SLC44A3: variants seen among roughly 807,000 people sequenced by gnomAD.
SLC44A3 encodes the protein solute carrier family 44 member 3, also known as choline transporter-like protein 3.
Under a neutral mutation model 75.4 loss-of-function variants are expected in SLC44A3, and 74 were observed. The observed-to-expected ratio is 0.98, with a 90% CI of 0.81 to 1.19. The LOEUF (loss-of-function observed/expected upper bound fraction) is 1.19, where lower values mean the gene tolerates loss of function less well. SLC44A3 is among the 50% of genes most tolerant of loss of function. The pLI is 0.00. For synonymous variants in SLC44A3, 310 were observed against 296.9 expected (o/e 1.04, Z -0.45); for missense variants, 700 against 778.6 (o/e 0.90, Z 1.20).
chr1:94,876,644 A>G (rs557571483), intron 12 of SLC44A3, among the ~76,000 whole-genome samples: 16 of 152,330 alleles, frequency 1.1e-4, no homozygotes, highest in Non-Finnish European at 2.2e-4. Flanking sequence ...ATGTCCTGCT[A>G]CAAGCAGGAC....
chr1:94,835,766 C>T (rs1356272059), intron 5 of SLC44A3, among the ~76,000 whole-genome samples: 1 of 152,114 alleles, frequency 6.6e-6, no homozygotes, highest in East Asian at 1.9e-4. Context: ...TTTAAACTTC[C>T]TATGATATTT....
At chr1:94,891,401 C>T (rs1395861118) in intron 13 of SLC44A3, 134 bp downstream of exon 13, 1 of 956,230 alleles carries the variant, frequency 1.0e-6, no homozygotes, top group Non-Finnish European at 1.5e-6. Flanking sequence ...CTCATTTAAT[C>T]CTCAATCCCA....
rs1424739954 is a variant in SLC44A3 at position 94,822,359 on chromosome 1, A to C, written c.135+1303A>C. On this transcript the variant is annotated intron_variant, in intron 2 of 14. Transcript: ENST00000271227. ...TTTGCAAAATAAGTCTGAAGTTTTA[A>C]TATATCCAAGTTCTCACTATGGCAT... is the stretch of plus-strand genomic sequence containing the variant. 2.6e-5 allele frequency among the ~76,000 whole-genome samples: 4 copies of C among 152,360 alleles called. No homozygotes were observed. In the East Asian group the frequency reaches 7.7e-4, roughly 29 times the overall value.
At position 94,858,241 on chromosome 1, in the gene SLC44A3, G is replaced by C. The variant is rs116603153; in HGVS notation, c.1238+741G>C. On this transcript the variant is annotated intron_variant, in intron 10 of 14. Transcript: ENST00000271227. Reference sequence around the variant, plus strand: ...CAGTAAATTCTGTGAGCCTCAGTTTGTCCTCTGCAAAATCAGATAACATTT... The same window carrying C: ...CAGTAAATTCTGTGAGCCTCAGTTTCTCCTCTGCAAAATCAGATAACATTT... Among the ~76,000 whole-genome samples, 1,144 of 152,256 alleles carry C rather than the reference G, an allele frequency of 7.5e-3. 9 individuals are homozygous for C. The highest frequency in any genetic ancestry group is 0.011 in the Non-Finnish European group (740 of 68,014).
At chr1:94,821,086 C>G (rs1660508660) in intron 2 of SLC44A3, 30 bp downstream of exon 2, 2 of 1,520,570 alleles carry the variant, frequency 1.3e-6, no homozygotes, top group Non-Finnish European at 1.8e-6. Context: ...AGGAAAGAGG[C>G]CAGAGTGTGT....
At chr1:94,829,144 G>A (rs1391712658) in intron 5 of SLC44A3, among the ~76,000 whole-genome samples, 3 of 152,038 alleles carry the variant, frequency 2.0e-5, no homozygotes, top group African/African-American at 4.8e-5. Context: ...TTAGCCGGGT[G>A]TGGTGGTGCA....
Position 94,845,294 on chromosome 1 carries a change from T to A in SLC44A3, c.902T>A (p.Leu301Ter), listed in dbSNP as rs1385060807. The change falls in exon 9 of 15, where the codon TTG becomes TAG. Residue 301 changes from leucine (L) to a stop codon, truncating the protein, a stop_gained. Transcript: ENST00000271227. LOFTEE classifies it high-confidence loss of function. ...TCTCACCAGGCAGTGCTGCTCGTCT[T>A]GATTTTTGTTCTCAGAAAGAGAATA... ...STGITAVLLV[L>*]IFVLRKRIKL... 1 of 1,610,948 alleles carries A rather than the reference T, an allele frequency of 6.2e-7. No homozygotes were observed. Among genetic ancestry groups the A allele is most frequent in the South Asian group, 1.1e-5 (1 of 90,524 alleles).
rs1428533228 is a variant in SLC44A3, at chr1:94,845,361, C to T, written c.969C>T (p.Ile323=). The part of the protein sequence containing the change: ...VELFQITNKA[I]SSAPFLLFQP... ...TTTTCCAAATCACAAATAAAGCCAT[C>T]AGCAGTGCTCCCTTCCTGCTGTTCC... Residue 323 remains isoleucine, a synonymous_variant, in exon 9 of 15, where the codon ATC becomes ATT. Coordinates refer to ENST00000271227, the MANE Select transcript of SLC44A3 (RefSeq NM_001114106.3). The T allele has an allele frequency of 6.2e-7, 1 of 1,614,140 alleles. No individual in the cohort carries two copies. The highest frequency in any genetic ancestry group is 1.7e-5 in the Admixed American group (1 of 60,010).
At chr1:94,883,835 A>T (rs575949410) in intron 12 of SLC44A3, among the ~76,000 whole-genome samples, 1 of 152,164 alleles carries the variant, frequency 6.6e-6, no homozygotes, top group Non-Finnish European at 1.5e-5. Flanking sequence ...TCAAATGAGC[A>T]TTTGTCCTTT....
chr1:94,868,065 TAAAATTATA>T (rs1490519463), intron 12 of SLC44A3, among the ~76,000 whole-genome samples: 3 of 152,214 alleles, frequency 2.0e-5, no homozygotes, highest in African/African-American at 7.2e-5. Flanking sequence ...AATATGCCTT[TAAAATTATA>T]AAAATTATAT....
chr1:94,853,968 T>C (rs867386387), intron 9 of SLC44A3, among the ~76,000 whole-genome samples: 3 of 152,072 alleles, frequency 2.0e-5, no homozygotes, highest in Non-Finnish European at 2.9e-5. Flanking sequence ...ATTTCAGAAT[T>C]GGAATTCTAT....
intron 13 of SLC44A3, among the ~76,000 whole-genome samples, chr1:94,892,001 A>C (rs1262610518): frequency 6.6e-6 from 1 of 152,212 alleles, no homozygotes; most frequent in Non-Finnish European, 1.5e-5. Context: ...AAGCAGAATA[A>C]AAAGCTTGTG....
At chr1:94,856,893 G>C (rs938666213) in intron 9 of SLC44A3, among the ~76,000 whole-genome samples, 1 of 152,060 alleles carries the variant, frequency 6.6e-6, no homozygotes, top group Non-Finnish European at 1.5e-5. Flanking sequence ...ACCATGCTTG[G>C]CTAATTTTTG....
intron 12 of SLC44A3, among the ~76,000 whole-genome samples, chr1:94,887,319 G>A (rs1669689017): frequency 6.6e-6 from 1 of 151,914 alleles, no homozygotes; most frequent in Admixed American, 6.6e-5. Context: ...CCTGTGTCTT[G>A]AGTGATTCCT....
intron 10 of SLC44A3, among the ~76,000 whole-genome samples, chr1:94,860,235 A>C (rs1449261934): frequency 6.6e-6 from 1 of 152,232 alleles, no homozygotes; most frequent in Non-Finnish European, 1.5e-5. Context: ...AAAGAAGGGC[A>C]TAGTGAGAAA....
At position 94,827,553 on chromosome 1, in the gene SLC44A3, C is replaced by T. The variant is rs754277971; in HGVS notation, c.325C>T (p.Gln109Ter). The T allele has an allele frequency of 6.2e-7, 1 of 1,614,086 alleles. No homozygotes were observed. The highest frequency in any genetic ancestry group is 1.3e-5 in the African/African-American group (1 of 74,944). The change falls in exon 4 of 15, where the codon CAG (glutamine) becomes TAG (stop). Residue 109 changes from glutamine to a stop codon, truncating the protein, a stop_gained. Transcript: ENST00000271227. LOFTEE classifies it high-confidence loss of function. ...NSCNLEVKGT[Q>*]LNRMALCVSN... ...CTGCAACCTGGAAGTCAAAGGTACG[C>T]AGCTCAACCGCATGGCCCTCTGTGT...
rs531131000 is a variant in SLC44A3, at chr1:94,861,339, C to A, written c.1239-3404C>A. 5.3e-5 allele frequency among the ~76,000 whole-genome samples: 8 copies of A among 152,156 alleles called. No homozygotes were observed. In the East Asian group the frequency reaches 1.2e-3, roughly 22 times the overall value. On this transcript the variant is annotated intron_variant, in intron 10 of 14. Coordinates refer to ENST00000271227, the MANE Select transcript of SLC44A3 (RefSeq NM_001114106.3). ...GTAGACAATATCTGAAGCCAAAAAA[C>A]CAAGAAATAGCAGTAAGAACATGTA...
intron 3 of SLC44A3, among the ~76,000 whole-genome samples, chr1:94,826,624 C>T (rs1027237429): frequency 1.3e-3 from 164 of 127,774 alleles, no homozygotes; most frequent in African/African-American, 4.4e-3. Flanking sequence ...GGTGACAGAG[C>T]GAGACTCTGT....
intron 12 of SLC44A3, among the ~76,000 whole-genome samples, chr1:94,890,751 G>A (rs978766306): frequency 4.9e-4 from 74 of 152,274 alleles, no homozygotes; most frequent in African/African-American, 1.7e-3. Context: ...GGAGGCCAAG[G>A]TACAAGAATC....
Sources: allele counts gnomAD v4.1 joint callset (sites outside exome capture counted in the v4.1 genomes callset), GRCh38; gene constraint gnomAD v4.1.1; transcripts MANE v1.5; gene names NCBI Gene and HGNC (gene_info 2026-07-23, HGNC 2026-07-21).